WWOX: variants seen among roughly 807,000 people sequenced by gnomAD.
WWOX encodes the protein WW domain containing oxidoreductase.
WWOX carries 69 observed loss-of-function variants against 46.2 expected under a neutral mutation model. That is an observed-to-expected ratio of 1.49 (90% CI 1.23 to 1.82). WWOX has a LOEUF of 1.82. WWOX is among the 40% of genes most tolerant of loss of function. WWOX has a pLI of 0.00. For missense variants in WWOX, 919 were observed against 542.6 expected, an observed-to-expected ratio of 1.69 and a Z score of -6.89; for synonymous variants, 359 against 202.6, an observed-to-expected ratio of 1.77 and a Z score of -6.56.
intron 5 of WWOX, among the ~76,000 whole-genome samples, chr16:78,309,233 G>A (rs547847259): frequency 3.3e-5 from 5 of 152,300 alleles, no homozygotes; most frequent in East Asian, 1.9e-4. Context: ...GAGTTCTCAC[G>A]TGATCCGATG....
At chr16:78,333,043 C>CT (rs11289222) in intron 5 of WWOX, among the ~76,000 whole-genome samples, 3,670 of 56,926 alleles carry the variant, frequency 0.064, 666 homozygotes, top group African/African-American at 0.1. Context: ...GAGCATTATA[C>CT]TTTTTTTTTT....
intron 8 of WWOX, among the ~76,000 whole-genome samples, chr16:78,599,594 C>G (rs1012323323): frequency 6.6e-6 from 1 of 152,168 alleles, no homozygotes; most frequent in Admixed American, 6.5e-5. Flanking sequence ...GTTCCTGACA[C>G]AGTTTGGGGA....
intron 4 of WWOX, among the ~76,000 whole-genome samples, chr16:78,126,905 G>C (rs1192216462): frequency 2.0e-5 from 3 of 152,176 alleles, no homozygotes; most frequent in Admixed American, 1.3e-4. Context: ...TTCTATTAAT[G>C]ACAGTAACAG....
At chr16:78,877,579 C>A (rs943318899) in intron 8 of WWOX, among the ~76,000 whole-genome samples, 2 of 152,204 alleles carry the variant, frequency 1.3e-5, no homozygotes, top group Non-Finnish European at 2.9e-5. Context: ...TTCCTTGTGG[C>A]ACTTATTATA....
intron 5 of WWOX, among the ~76,000 whole-genome samples, chr16:78,255,793 C>G (rs750507450): frequency 6.6e-6 from 1 of 152,180 alleles, no homozygotes; most frequent in Non-Finnish European, 1.5e-5. Flanking sequence ...CTCCCAGTAG[C>G]TTTATGAGGT....
intron 8 of WWOX, among the ~76,000 whole-genome samples, chr16:78,659,917 G>A (rs974023039): frequency 6.6e-6 from 1 of 151,992 alleles, no homozygotes; most frequent in Admixed American, 6.6e-5. Context: ...TCATCCCAAG[G>A]GCTGTCACCA....
chr16:78,453,413 A>G (rs571887986), intron 8 of WWOX, among the ~76,000 whole-genome samples: 14 of 149,296 alleles, frequency 9.4e-5, no homozygotes, highest in African/African-American at 2.3e-4. Flanking sequence ...CATGAGCGAG[A>G]CTATGTCTCA....
At chr16:78,318,614 G>C (rs2080402069) in intron 5 of WWOX, among the ~76,000 whole-genome samples, 1 of 152,152 alleles carries the variant, frequency 6.6e-6, no homozygotes, top group African/African-American at 2.4e-5. Context: ...CTCAGTTGTA[G>C]AATGGGAATA....
chr16:79,134,725 A>G (rs1334200111), intron 8 of WWOX, among the ~76,000 whole-genome samples: 1 of 152,242 alleles, frequency 6.6e-6, no homozygotes, highest in African/African-American at 2.4e-5. Context: ...GCTCAGAGAA[A>G]TGAAGTAACT....
intron 2 of WWOX, 86 bp from the exon 3 acceptor site, chr16:78,109,692 G>T (rs1012824345): frequency 2.8e-6 from 4 of 1,411,166 alleles, no homozygotes; most frequent in Non-Finnish European, 4.0e-6. Flanking sequence ...TTGGGGGCGG[G>T]GCTGGGAGGG....
At chr16:79,092,738 T>G (rs2048988517) in intron 8 of WWOX, among the ~76,000 whole-genome samples, 1 of 152,014 alleles carries the variant, frequency 6.6e-6, no homozygotes, top group African/African-American at 2.4e-5. Context: ...AAAATGAGGG[T>G]TTTTGGAGAT....
At chr16:78,493,789 T>C (rs754410906) in intron 8 of WWOX, among the ~76,000 whole-genome samples, 5 of 152,114 alleles carry the variant, frequency 3.3e-5, no homozygotes, top group Admixed American at 6.5e-5. Flanking sequence ...GCCAAGAGCA[T>C]AGAGGTGGAA....
intron 8 of WWOX, among the ~76,000 whole-genome samples, chr16:78,903,907 T>G (rs767826288): frequency 1.3e-5 from 2 of 152,178 alleles, no homozygotes; most frequent in African/African-American, 2.4e-5. Context: ...GAGGTGGGTC[T>G]GAAGGTACAG....
intron 8 of WWOX, among the ~76,000 whole-genome samples, chr16:79,111,038 G>T (rs867171161): frequency 6.6e-6 from 1 of 152,050 alleles, no homozygotes; most frequent in African/African-American, 2.4e-5. Context: ...AGATGTAATC[G>T]ACCAGCAGAG....
chr16:78,593,700 A>T (rs1463950670), intron 8 of WWOX, among the ~76,000 whole-genome samples: 2 of 150,158 alleles, frequency 1.3e-5, no homozygotes, highest in Non-Finnish European at 2.9e-5. Context: ...CCCAGCGTAC[A>T]ACAGAGGAAA....
At chr16:79,023,964 C>CAAAA (rs140384059) in intron 8 of WWOX, among the ~76,000 whole-genome samples, 1 of 150,926 alleles carries the variant, frequency 6.6e-6, no homozygotes, top group Admixed American at 6.6e-5. Flanking sequence ...AAAAAACAAA[C>CAAAA]AAAAAAAACA....
At chr16:79,164,116 C>T (rs145903832) in intron 8 of WWOX, among the ~76,000 whole-genome samples, 2 of 152,110 alleles carry the variant, frequency 1.3e-5, no homozygotes, top group African/African-American at 2.4e-5. Flanking sequence ...CTTTATGGCC[C>T]AGAAACAAGG....
chr16:79,135,834 C>T (rs1437769740), intron 8 of WWOX, among the ~76,000 whole-genome samples: 5 of 151,992 alleles, frequency 3.3e-5, no homozygotes, highest in African/African-American at 1.2e-4. Flanking sequence ...GATTTTTGTA[C>T]TTTTATTGAC....
chr16:78,678,665 C>G (rs1222403811), intron 8 of WWOX, among the ~76,000 whole-genome samples: 3 of 151,826 alleles, frequency 2.0e-5, no homozygotes, highest in Non-Finnish European at 4.4e-5. Context: ...GTAGGGAAGT[C>G]TTGATGAGTA....
Sources: gnomAD v4.1 joint callset for allele counts (sites outside exome capture counted in the v4.1 genomes callset) on GRCh38, gnomAD v4.1.1 for gene constraint, MANE v1.5 for transcripts, NCBI Gene and HGNC (gene_info 2026-07-23, HGNC 2026-07-21) for gene names.